SLC4A1: variants seen among roughly 807,000 people sequenced by gnomAD.
SLC4A1 encodes band 3 anion transport protein.
In SLC4A1, 29 loss-of-function variants were observed where a neutral mutation model predicts 93.1. The observed-to-expected ratio is 0.31, with a 90% CI of 0.23 to 0.42. SLC4A1 has a LOEUF of 0.42. Among genes scored for constraint, SLC4A1 ranks in the 20% least tolerant of loss-of-function variants. SLC4A1 has a pLI of 1.00. For synonymous variants in SLC4A1, 469 were observed against 497.2 expected (o/e 0.94, Z 0.76); for missense variants, 965 against 1,190.1 (o/e 0.81, Z 2.78).
chr17:44,252,491 C>G (rs1451789083), intron 17 of SLC4A1, among the ~76,000 whole-genome samples: 1 of 152,138 alleles, frequency 6.6e-6, no homozygotes, highest in Non-Finnish European at 1.5e-5. Context: ...TCACAGAGGT[C>G]AAACACACAC....
chr17:44,261,496 C>T (rs571015192), intron 4 of SLC4A1, 79 bp downstream of exon 4: 8 of 1,612,742 alleles, frequency 5.0e-6, no homozygotes, highest in African/African-American at 1.3e-5. Context: ...GCCTCTATCC[C>T]CTTGCTCCTC....
At chr17:44,266,617 T>C (rs1406215458) in intron 1 of SLC4A1, among the ~76,000 whole-genome samples, 1 of 152,060 alleles carries the variant, frequency 6.6e-6, no homozygotes, top group Admixed American at 6.5e-5. Flanking sequence ...AAAACAGAGG[T>C]GCCTTGAGCT....
intron 17 of SLC4A1, 132 bp from the exon 18 acceptor site, chr17:44,251,720 C>CTTTTTTT (rs67064853): frequency 1.2e-3 from 457 of 392,848 alleles, no homozygotes; most frequent in African/African-American, 8.2e-3. Context: ...CTTTTCTTTT[C>CTTTTTTT]TTTTTTTTTT....
chr17:44,259,215 T>C lies in SLC4A1; in HGVS notation c.824A>G (p.His275Arg), dbSNP rs1451312246. Reference protein sequence around the residue: ...LFVLLGPEAPHIDYTQLGRAA... With the variant: ...LFVLLGPEAPRIDYTQLGRAA... The stretch of plus-strand genomic sequence containing the variant: ...CCGGCCAAGCTGGGTGTAATCGATG[T>C]GGGGGGCCTCAGGTCCCAGCAACAC... The change falls in exon 9 of 20, where the codon CAC becomes CGC. Residue 275 changes from histidine (H) to arginine (R), a missense_variant. Physicochemically the swap from His to Arg is conservative, Grantham distance 29. Coordinates refer to ENST00000262418, the MANE Select transcript of SLC4A1 (RefSeq NM_000342.4). 6.2e-7 allele frequency: 1 copy of C among 1,613,930 alleles called. No individual in the cohort carries two copies.
intron 13 of SLC4A1, among the ~76,000 whole-genome samples, chr17:44,256,873 G>A (rs1260542212): frequency 6.6e-6 from 1 of 152,174 alleles, no homozygotes; most frequent in Non-Finnish European, 1.5e-5. Context: ...AGACACATAT[G>A]TTGACACAGA....
Position 44,260,535 on chromosome 17 carries a change from A to C in SLC4A1, c.354T>G (p.Thr118=), listed in dbSNP as rs751571803. Residue 118 remains threonine, a synonymous_variant, in exon 6 of 20, where the codon ACT becomes ACG. Coordinates refer to ENST00000262418, the MANE Select transcript of SLC4A1 (RefSeq NM_000342.4). ...LELRRVFTKG[T]VLLDLQETSL... ...AGGTCTCTTGCAGGTCTAGGAGGAC[A>C]GTACCTGCAGGCAGTGGAGGAGTGA... is the stretch of plus-strand genomic sequence containing the variant. 1.2e-6 allele frequency: 2 copies of C among 1,614,202 alleles called. No individual in the cohort carries two copies. The highest frequency in any genetic ancestry group is 3.3e-5 in the Admixed American group (2 of 60,030).
intron 17 of SLC4A1, among the ~76,000 whole-genome samples, chr17:44,251,985 TC>T (rs2047346799): frequency 1.3e-5 from 2 of 149,234 alleles, no homozygotes; most frequent in Admixed American, 1.3e-4. Context: ...CAAGTGATTC[TC>T]CTGCCTTGGC....
chr17:44,262,095 A>G, intron 3 of SLC4A1: 1 of 1,079,666 alleles, frequency 9.3e-7, no homozygotes. Context: ...AGCCCCTTAT[A>G]TTCCCACCCC....
intron 13 of SLC4A1, 124 bp downstream of exon 13, chr17:44,257,226 G>A (rs1351193607): frequency 1.1e-5 from 10 of 890,970 alleles, no homozygotes; most frequent in African/African-American, 9.8e-5. Context: ...TCCTGATCTC[G>A]GGTGATCCAC....
In SLC4A1 at chr17:44,251,591, G is replaced by A; in HGVS notation, c.2312-3C>T. 6.2e-7 allele frequency: 1 copy of A among 1,613,856 alleles called. No individual in the cohort carries two copies. Among genetic ancestry groups the A allele is most frequent in the South Asian group, 1.1e-5 (1 of 91,084 alleles). On this transcript the variant is annotated splice_polypyrimidine_tract_variant and splice_region_variant and intron_variant, in intron 17 of 19. Transcript: ENST00000262418. ...GGGCTCCATGAGGATGGACAGGCCTGTGGGGGAGCCGCACACTCTCAGCCC... is the reference window on the plus strand; with the variant it reads ...GGGCTCCATGAGGATGGACAGGCCTATGGGGGAGCCGCACACTCTCAGCCC...
At chr17:44,255,167 TG>T (rs779942378) in intron 15 of SLC4A1, 39 bp downstream of exon 15, 3 of 1,389,134 alleles carry the variant, frequency 2.2e-6, no homozygotes, top group Admixed American at 4.0e-5. Context: ...AATGAGGACC[TG>T]GGGGGTATCA....
chr17:44,251,494 G>A lies in SLC4A1; in HGVS notation c.2406C>T (p.Gly802=). The A allele has an allele frequency of 1.9e-6, 3 of 1,614,190 alleles. No homozygotes were observed. The highest frequency in any genetic ancestry group is 2.5e-6 in the Non-Finnish European group (3 of 1,180,026). ...GCAAGATGCGGTCAAAGAGCTGGAT[G>A]CCGCTGAGCGACGTGACCCCCATGT... ...FLYMGVTSLS[G]IQLFDRILLL... Residue 802 remains glycine, a synonymous_variant, in exon 18 of 20, where the codon GGC becomes GGT. Transcript: ENST00000262418.
chr17:44,256,946 C>T (rs1224774186), intron 13 of SLC4A1, among the ~76,000 whole-genome samples: 1 of 151,968 alleles, frequency 6.6e-6, no homozygotes, highest in Non-Finnish European at 1.5e-5. Flanking sequence ...AAAGCAAAGA[C>T]ACACAAATGC....
chr17:44,255,577 G>C (rs895923418), intron 14 of SLC4A1, 96 bp downstream of exon 14: 8 of 1,288,394 alleles, frequency 6.2e-6, no homozygotes, highest in Non-Finnish European at 9.0e-6. Flanking sequence ...ATCTGAAAAA[G>C]AAGGGAAGCT....
chr17:44,255,544 G>A (rs2144607609), intron 14 of SLC4A1, 129 bp downstream of exon 14: 2 of 1,017,204 alleles, frequency 2.0e-6, no homozygotes, highest in Non-Finnish European at 1.5e-6. Context: ...TAGGGCCAGG[G>A]GAGGTTGGAA....
intron 1 of SLC4A1, among the ~76,000 whole-genome samples, chr17:44,263,359 A>G (rs981806906): frequency 6.6e-6 from 1 of 152,034 alleles, no homozygotes; most frequent in Non-Finnish European, 1.5e-5. Context: ...TCTCTCAGAA[A>G]TAGCTGCTGC....
At position 44,258,596 on chromosome 17, in the gene SLC4A1, G is replaced by A; in HGVS notation, c.904C>T (p.Gln302Ter). The stretch of plus-strand genomic sequence containing the variant: ...GAGTGCAGCAGCTCCCCTCGGCTCT[G>A]AGCCATGTAGGCATCTATGCGGAAC... ...RVFRIDAYMA[Q>*]SRGELLHSLE... The change falls in exon 10 of 20, where the codon CAG becomes TAG. Residue 302 changes from glutamine (Q) to a stop codon, truncating the protein, a stop_gained. Transcript: ENST00000262418. LOFTEE classifies it high-confidence loss of function. This position sits in a 1 kb window ranked among gnomAD's most constrained non-coding sequence, Gnocchi z 6.1. The A allele has an allele frequency of 6.2e-7, 1 of 1,609,100 alleles. No individual in the cohort carries two copies. The highest frequency in any genetic ancestry group is 8.5e-7 in the Non-Finnish European group (1 of 1,178,120).
intron 16 of SLC4A1, 54 bp from the exon 17 acceptor site, chr17:44,253,425 C>G (rs2047360922): frequency 6.4e-7 from 1 of 1,574,586 alleles, no homozygotes; most frequent in Non-Finnish European, 8.6e-7. Flanking sequence ...CTCCTCCACC[C>G]CCTCCTTCCT....
intron 1 of SLC4A1, 92 bp from the exon 2 acceptor site, chr17:44,263,026 T>G (rs1313947146): frequency 9.5e-7 from 1 of 1,049,506 alleles, no homozygotes; most frequent in Non-Finnish European, 1.5e-6. Context: ...GTGGAGGGGA[T>G]CCACGTGTTG....
Sources: allele counts gnomAD v4.1 joint callset (sites outside exome capture counted in the v4.1 genomes callset), GRCh38; gene constraint gnomAD v4.1.1; non-coding constraint Gnocchi (gnomAD v3.1); transcripts MANE v1.5; gene names NCBI Gene and HGNC (gene_info 2026-07-23, HGNC 2026-07-21).